AP3B1: variants seen among roughly 807,000 people sequenced by gnomAD.
The protein encoded by AP3B1 is adaptor related protein complex 3 subunit beta 1, also known as AP-3 complex subunit beta-1.
A neutral mutation model predicts 132.5 loss-of-function variants in AP3B1; 61 were observed. The ratio of observed to expected loss-of-function variants is 0.46; its 90% CI spans 0.37 to 0.57. The LOEUF is 0.57. Among genes scored for constraint, AP3B1 ranks in the 20% least tolerant of loss-of-function variants. The pLI, the probability that AP3B1 is intolerant of heterozygous loss-of-function variation, is 0.00. For synonymous variants in AP3B1, 388 were observed against 438.3 expected (o/e 0.89, Z 1.43); for missense variants, 1,120 against 1,289.4 (o/e 0.87, Z 2.01).
At chr5:78,246,113 T>C (rs1554079584) in intron 2 of AP3B1, among the ~76,000 whole-genome samples, 1 of 152,150 alleles carries the variant, frequency 6.6e-6, no homozygotes, top group Non-Finnish European at 1.5e-5. Flanking sequence ...AATTCCAGAG[T>C]GCCCCAAAGA....
intron 11 of AP3B1, among the ~76,000 whole-genome samples, chr5:78,167,222 A>G (rs1743672459): frequency 6.6e-6 from 1 of 152,224 alleles, no homozygotes; most frequent in African/African-American, 2.4e-5. Context: ...CAAACGGCCA[A>G]GAAGCACATG....
chr5:78,208,053 AGAAAG>A (rs1452209612), intron 7 of AP3B1, among the ~76,000 whole-genome samples: 1 of 152,144 alleles, frequency 6.6e-6, no homozygotes, highest in Non-Finnish European at 1.5e-5. Flanking sequence ...GAAAACCAAA[AGAAAG>A]GAGAGAGACA....
intron 2 of AP3B1, among the ~76,000 whole-genome samples, chr5:78,260,031 T>G (rs895624057): frequency 2.0e-5 from 3 of 151,912 alleles, no homozygotes; most frequent in African/African-American, 7.2e-5. Context: ...ATTAAATGTT[T>G]TTTAAAAAAG....
chr5:78,206,329 T>C (rs1745504729), intron 7 of AP3B1, among the ~76,000 whole-genome samples: 1 of 152,178 alleles, frequency 6.6e-6, no homozygotes, highest in African/African-American at 2.4e-5. Flanking sequence ...ACTCCTGAGA[T>C]AAAAAAATTT....
intron 1 of AP3B1, among the ~76,000 whole-genome samples, chr5:78,273,465 G>A (rs1323924422): frequency 1.3e-5 from 2 of 152,098 alleles, no homozygotes; most frequent in East Asian, 3.8e-4. Flanking sequence ...TTCCCAAATT[G>A]CCATGTGGGA....
At chr5:78,123,000 T>C (rs1752292667) in intron 17 of AP3B1, among the ~76,000 whole-genome samples, 1 of 152,156 alleles carries the variant, frequency 6.6e-6, no homozygotes, top group African/African-American at 2.4e-5. Context: ...AAAACAGAGA[T>C]ATAGATCAAT....
At chr5:78,056,133 A>G (rs546572302) in intron 22 of AP3B1, among the ~76,000 whole-genome samples, 2 of 152,252 alleles carry the variant, frequency 1.3e-5, no homozygotes, top group African/African-American at 2.4e-5. Flanking sequence ...AAGACTAATG[A>G]TGAATACCAC....
At chr5:78,220,227 A>G (rs1181314277) in intron 6 of AP3B1, among the ~76,000 whole-genome samples, 2 of 152,016 alleles carry the variant, frequency 1.3e-5, no homozygotes, top group Non-Finnish European at 2.9e-5. Context: ...AAAAATTACC[A>G]GAAAACATTC....
At chr5:78,063,207 T>C (rs1270473788) in intron 22 of AP3B1, among the ~76,000 whole-genome samples, 1 of 152,220 alleles carries the variant, frequency 6.6e-6, no homozygotes, top group Non-Finnish European at 1.5e-5. Flanking sequence ...CCAGCACTTG[T>C]CAGCTTAACA....
intron 11 of AP3B1, among the ~76,000 whole-genome samples, chr5:78,175,043 T>C (rs1215054793): frequency 6.6e-6 from 1 of 152,238 alleles, no homozygotes; most frequent in Non-Finnish European, 1.5e-5. Context: ...TGGGAGAGAA[T>C]CCCCTTGTCT....
chr5:78,205,442 TAC>T (rs1008439441), intron 7 of AP3B1, among the ~76,000 whole-genome samples: 4 of 151,250 alleles, frequency 2.6e-5, no homozygotes, highest in East Asian at 1.9e-4. Flanking sequence ...CATATATATA[TAC>T]ACACACACAC....
chr5:78,145,428 C>T (rs1753347586), intron 14 of AP3B1, among the ~76,000 whole-genome samples: 1 of 152,156 alleles, frequency 6.6e-6, no homozygotes, highest in South Asian at 2.1e-4. Flanking sequence ...GCCCACATCT[C>T]ACAGCTGGTT....
intron 1 of AP3B1, among the ~76,000 whole-genome samples, chr5:78,279,287 A>G (rs1371273888): frequency 5.3e-5 from 8 of 152,092 alleles, no homozygotes; most frequent in Admixed American, 5.2e-4. Flanking sequence ...CATATTATTA[A>G]CTTATTTAGC....
At chr5:78,122,408 T>C (rs1439403681) in intron 17 of AP3B1, among the ~76,000 whole-genome samples, 1 of 152,196 alleles carries the variant, frequency 6.6e-6, no homozygotes, top group Non-Finnish European at 1.5e-5. Context: ...AGTCAAATTG[T>C]CCCTGTTTGC....
chr5:78,002,314 T>C (rs114954951), downstream of AP3B1: 4,165 of 297,896 alleles, frequency 0.014, 130 homozygotes, highest in African/African-American at 0.068. Flanking sequence ...TCATTAAAAA[T>C]GCAAAGACAA....
At chr5:78,016,811 A>G (rs936381235) in intron 25 of AP3B1, among the ~76,000 whole-genome samples, 1 of 152,096 alleles carries the variant, frequency 6.6e-6, no homozygotes, top group East Asian at 1.9e-4. Flanking sequence ...GTTTAACTTC[A>G]ATATTAGGCA....
chr5:78,005,846 C>T (rs1746368005), intron 26 of AP3B1, among the ~76,000 whole-genome samples: 1 of 152,174 alleles, frequency 6.6e-6, no homozygotes, highest in African/African-American at 2.4e-5. Flanking sequence ...ACAGGCTATG[C>T]TTCAACATAC....
At chr5:78,254,793 A>T (rs1747786814) in intron 2 of AP3B1, among the ~76,000 whole-genome samples, 1 of 152,194 alleles carries the variant, frequency 6.6e-6, no homozygotes, top group African/African-American at 2.4e-5. Context: ...ACAGAAAAAC[A>T]TAGAATATTA....
chr5:78,039,022 T>C (rs1747933315), intron 23 of AP3B1, 21 bp downstream of exon 23: 1 of 1,418,906 alleles, frequency 7.0e-7, no homozygotes, highest in Non-Finnish European at 9.9e-7. Flanking sequence ...GTTAAGGTTT[T>C]AAATGAGAAT....
Sources: gnomAD v4.1 joint callset for allele counts (sites outside exome capture counted in the v4.1 genomes callset) on GRCh38, gnomAD v4.1.1 for gene constraint, MANE v1.5 for transcripts, NCBI Gene and HGNC (gene_info 2026-07-23, HGNC 2026-07-21) for gene names.